Variants in CSMD3 observed in about 807,000 individuals in gnomAD.
CSMD3 encodes CUB and Sushi multiple domains 3.
A neutral mutation model predicts 435.2 loss-of-function variants in CSMD3; 177 were observed. That is an observed-to-expected ratio of 0.41 (90% confidence interval 0.36 to 0.46). The LOEUF (loss-of-function observed/expected upper bound fraction) is 0.46. CSMD3 is among the 20% of genes least tolerant of loss of function. The pLI is 0.34. For synonymous variants in CSMD3, 1,656 were observed against 1,520.5 expected (o/e 1.09, Z -2.07); for missense variants, 4,265 against 4,504.6 (o/e 0.95, Z 1.52).
intron 1 of CSMD3, among the ~76,000 whole-genome samples, chr8:113,387,714 A>G (rs1324441743): frequency 6.6e-6 from 1 of 151,580 alleles, no homozygotes; most frequent in East Asian, 1.9e-4. Context: ...GGGATGAGGA[A>G]CAAGAAGGGA....
intron 6 of CSMD3, among the ~76,000 whole-genome samples, chr8:113,004,439 A>G (rs894597184): frequency 1.3e-5 from 2 of 152,026 alleles, no homozygotes; most frequent in Non-Finnish European, 2.9e-5. Flanking sequence ...TTCAACATCC[A>G]AAGAAAATAT....
chr8:113,078,225 G>A (rs2089423791), intron 5 of CSMD3, among the ~76,000 whole-genome samples: 1 of 152,184 alleles, frequency 6.6e-6, no homozygotes, highest in Admixed American at 6.5e-5. Context: ...TGTGTCACCT[G>A]CACAGCTGTA....
chr8:112,570,200 C>T (rs1189342227), intron 24 of CSMD3, among the ~76,000 whole-genome samples: 1 of 152,024 alleles, frequency 6.6e-6, no homozygotes, highest in Non-Finnish European at 1.5e-5. Flanking sequence ...AACTGTTTTA[C>T]TATCATGAAA....
At chr8:112,797,738 G>A (rs1338541886) in intron 13 of CSMD3, among the ~76,000 whole-genome samples, 2 of 151,754 alleles carry the variant, frequency 1.3e-5, no homozygotes, top group Non-Finnish European at 3.0e-5. Context: ...CTAAAACTAT[G>A]TGCACATCAA....
intron 32 of CSMD3, among the ~76,000 whole-genome samples, chr8:112,421,689 A>G (rs1812528031): frequency 6.8e-6 from 1 of 147,938 alleles, no homozygotes; most frequent in Non-Finnish European, 1.5e-5. Context: ...ATATATGTAT[A>G]CCTATATATA....
intron 1 of CSMD3, among the ~76,000 whole-genome samples, chr8:113,349,464 T>A (rs1263766761): frequency 6.6e-6 from 1 of 151,994 alleles, no homozygotes; most frequent in African/African-American, 2.4e-5. Context: ...AAGAATATCT[T>A]ACAGGAATAC....
chr8:112,840,248 G>T (rs1182827191), intron 11 of CSMD3, among the ~76,000 whole-genome samples: 1 of 151,714 alleles, frequency 6.6e-6, no homozygotes, highest in Admixed American at 6.6e-5. Flanking sequence ...AAGGTCACCG[G>T]TATTTTGATA....
At chr8:112,473,338 C>T (rs16883684) in intron 31 of CSMD3, among the ~76,000 whole-genome samples, 2,649 of 152,124 alleles carry the variant, frequency 0.017, 79 homozygotes, top group African/African-American at 0.06. Context: ...ATTCACAAGA[C>T]AGGGGATGCA....
At chr8:113,399,106 T>TATATATATATATATATATACAC (rs773585004) in intron 1 of CSMD3, among the ~76,000 whole-genome samples, 12 of 95,092 alleles carry the variant, frequency 1.3e-4, no homozygotes, top group South Asian at 4.1e-4. Flanking sequence ...TATATATATA[T>TATATATATATATATATATACAC]ACACACACAC....
At chr8:113,411,060 G>C (rs2094557786) in intron 1 of CSMD3, among the ~76,000 whole-genome samples, 1 of 151,666 alleles carries the variant, frequency 6.6e-6, no homozygotes, top group Non-Finnish European at 1.5e-5. Context: ...AGATAGGAAG[G>C]AAGGAAGGAA....
chr8:112,304,698 A>C (rs540191014), intron 52 of CSMD3, 23 bp downstream of exon 52: 5 of 1,556,518 alleles, frequency 3.2e-6, no homozygotes, highest in South Asian at 1.1e-5. Context: ...TTATGAAATA[A>C]GTTTAGCAGA....
At chr8:112,614,559 T>C (rs933710833) in intron 22 of CSMD3, among the ~76,000 whole-genome samples, 19 of 152,054 alleles carry the variant, frequency 1.2e-4, no homozygotes, top group Admixed American at 1.1e-3. Context: ...CACAAATATA[T>C]ATACAGTAAC....
chr8:112,527,147 C>G (rs543463829), intron 27 of CSMD3, among the ~76,000 whole-genome samples: 1 of 151,580 alleles, frequency 6.6e-6, no homozygotes, highest in Non-Finnish European at 1.5e-5. Context: ...TTAAAAGACT[C>G]CAACTAAGGG....
At chr8:113,025,143 T>C (rs997445265) in intron 5 of CSMD3, among the ~76,000 whole-genome samples, 1 of 152,222 alleles carries the variant, frequency 6.6e-6, no homozygotes, top group African/African-American at 2.4e-5. Flanking sequence ...CTGAAGTCTT[T>C]TGTGTTCCTT....
intron 4 of CSMD3, among the ~76,000 whole-genome samples, chr8:113,111,112 T>C (rs1048772193): frequency 2.0e-5 from 3 of 152,136 alleles, no homozygotes; most frequent in African/African-American, 7.2e-5. Flanking sequence ...TGGGGGAACA[T>C]AAATTTAGAC....
chr8:112,354,079 G>T (rs924556464), intron 38 of CSMD3, among the ~76,000 whole-genome samples: 3 of 151,982 alleles, frequency 2.0e-5, no homozygotes, highest in African/African-American at 7.2e-5. Flanking sequence ...CATGTAAATA[G>T]AATTAAAAAT....
At chr8:113,274,845 G>C (rs1481949746) in intron 3 of CSMD3, among the ~76,000 whole-genome samples, 1 of 136,912 alleles carries the variant, frequency 7.3e-6, no homozygotes, top group Non-Finnish European at 1.6e-5. Context: ...GAGAGAAAGA[G>C]AGAGAGAAAG....
intron 4 of CSMD3, among the ~76,000 whole-genome samples, chr8:113,156,204 C>G (rs2091925311): frequency 6.6e-6 from 1 of 152,012 alleles, no homozygotes; most frequent in Non-Finnish European, 1.5e-5. Flanking sequence ...GTTATTATCT[C>G]ACTATTCAGG....
rs371018544 is a variant in CSMD3 at position 112,380,471 on chromosome 8, G to C, written c.6032-15C>G. 2 of 1,280,844 alleles carry C rather than the reference G, an allele frequency of 1.6e-6. No individual in the cohort carries two copies. Among genetic ancestry groups the C allele is most frequent in the African/African-American group, 2.9e-5 (2 of 68,204 alleles). The allele number at this position is 1,280,844 out of a possible 1,614,324, so 79.3% of individuals were successfully genotyped here. A position where few individuals can be genotyped will look rare whatever the true frequency, so the allele number is the denominator to read the frequency against. On this transcript the variant is annotated splice_polypyrimidine_tract_variant and intron_variant, in intron 37 of 70. Transcript: ENST00000297405. Reference sequence around the variant, plus strand: ...TATTGTTGTTCCTGAAATGATATATGAGAAGGCAAGACAATGACCACATAA... The same window carrying C: ...TATTGTTGTTCCTGAAATGATATATCAGAAGGCAAGACAATGACCACATAA...
Sources: gnomAD v4.1 joint callset for allele counts (sites outside exome capture counted in the v4.1 genomes callset) on GRCh38, gnomAD v4.1.1 for gene constraint, MANE v1.5 for transcripts, NCBI Gene and HGNC (gene_info 2026-07-23, HGNC 2026-07-21) for gene names.